ACSM6: variants seen among roughly 807,000 people sequenced by gnomAD.
The protein encoded by ACSM6 is acyl-CoA synthetase medium chain family member 6.
ACSM6 carries 35 observed loss-of-function variants against 51.1 expected under a neutral mutation model. That is an observed-to-expected ratio of 0.69 (90% CI 0.52 to 0.91). The LOEUF is 0.91. Among genes scored for constraint, ACSM6 ranks in the 40% least tolerant of loss-of-function variants. The probability of loss-of-function intolerance (pLI) is 0.00; values close to 1 mark genes in which losing one functional copy is unlikely to be tolerated. For missense variants in ACSM6, 509 were observed against 584.1 expected, an observed-to-expected ratio of 0.87 and a Z score of 1.32; for synonymous variants, 172 against 207.3, an observed-to-expected ratio of 0.83 and a Z score of 1.46.
Position 95,202,938 on chromosome 10 carries a change from C to CAA in ACSM6, c.403+761_403+762dup, listed in dbSNP as rs35376103. ...TGGGTGACAGAGCAAGGCTCTGTCT[C>CAA]AAAAAAAAAAAAAAAAAAAGACAGA... On this transcript the variant is annotated intron_variant, in intron 3 of 10. Coordinates refer to ENST00000341686, the Ensembl canonical transcript of ACSM6. Among the ~76,000 whole-genome samples, 653 of 85,762 alleles carry CAA rather than the reference C, an allele frequency of 7.6e-3. 13 individuals are homozygous for CAA. The highest frequency in any genetic ancestry group is 0.021 in the African/African-American group (463 of 22,324). 56.3% of individuals were successfully genotyped at this position (85,762 alleles called of 152,430 possible). A position where few individuals can be genotyped will look rare whatever the true frequency, so the allele number is the denominator to read the frequency against.
chr10:95,211,467 G>A (rs563696688), intron 5 of ACSM6, among the ~76,000 whole-genome samples: 8 of 152,316 alleles, frequency 5.3e-5, no homozygotes, highest in South Asian at 2.1e-4. Flanking sequence ...GTCCCTTAGC[G>A]GAAATAGGTG....
chr10:95,194,751 T>A, intron 2 of ACSM6, 74 bp downstream of exon 2: 1 of 1,338,706 alleles, frequency 7.5e-7, no homozygotes, highest in Non-Finnish European at 1.0e-6. Context: ...ATCATGAGAT[T>A]CATATCCCAT....
chr10:95,219,949 C>T, exon 9 of ACSM6: 1 of 1,612,860 alleles, frequency 6.2e-7, no homozygotes, highest in Non-Finnish European at 8.5e-7. Flanking sequence ...CTGGGGAAGC[C>T]ATTGCCACCT....
At chr10:95,206,536 C>T (rs1479274190) in intron 3 of ACSM6, among the ~76,000 whole-genome samples, 2 of 152,160 alleles carry the variant, frequency 1.3e-5, no homozygotes, top group Admixed American at 1.3e-4. Flanking sequence ...ACCGGTAAAG[C>T]AGATCCTTTT....
At chr10:95,212,793 G>A in intron 6 of ACSM6, 65 bp from the exon 7 acceptor site, 2 of 1,309,376 alleles carry the variant, frequency 1.5e-6, no homozygotes, top group Admixed American at 1.7e-5. Context: ...CTGGACCCCT[G>A]CCACAGTCTC....
chr10:95,215,387 T>C (rs1232191224), intron 8 of ACSM6, among the ~76,000 whole-genome samples: 2 of 152,216 alleles, frequency 1.3e-5, no homozygotes, highest in African/African-American at 2.4e-5. Flanking sequence ...CATTTGAGGT[T>C]GGAGAGCATT....
chr10:95,201,405 G>A, intron 2 of ACSM6: 1 of 444,430 alleles, frequency 2.3e-6, no homozygotes, highest in Non-Finnish European at 4.5e-6. Context: ...AAAACAGGCA[G>A]TATTTGATTT....
exon 3 of ACSM6, chr10:95,202,019 A>G: frequency 6.4e-7 from 1 of 1,551,726 alleles, no homozygotes; most frequent in Non-Finnish European, 8.7e-7. Flanking sequence ...GCCCTCTGGA[A>G]GGTTAGTGCC....
chr10:95,215,099 G>GA, intron 8 of ACSM6, 124 bp downstream of exon 8: 1 of 1,195,280 alleles, frequency 8.4e-7, no homozygotes, highest in South Asian at 1.6e-5. Context: ...ACAGGAAGAG[G>GA]AAATGGCTTA....
chr10:95,221,217 C>T (rs539326013), intron 9 of ACSM6, among the ~76,000 whole-genome samples: 4 of 152,046 alleles, frequency 2.6e-5, no homozygotes, highest in African/African-American at 9.6e-5. Flanking sequence ...GAAATAAAAT[C>T]AGAAGTGAAA....
chr10:95,202,173 C>T, exon 3 of ACSM6: 1 of 1,552,174 alleles, frequency 6.4e-7, no homozygotes. Flanking sequence ...CCTACTGGAT[C>T]TGCCTGGCCT....
In ACSM6 at chr10:95,212,729, G is replaced by C. The variant is rs376530375; in HGVS notation, c.913-129G>C. Reference sequence around the variant, plus strand: ...AATCACTAAGTCTTTGAGATAAAAGGCATCCCCAAGCTGAGTTTCAAAGTC... The same window carrying C: ...AATCACTAAGTCTTTGAGATAAAAGCCATCCCCAAGCTGAGTTTCAAAGTC... On this transcript the variant is annotated intron_variant, in intron 6 of 10. Transcript: ENST00000341686. 8.9e-6 allele frequency: 6 copies of C among 677,914 alleles called. No homozygotes were observed. In the South Asian group the frequency reaches 1.0e-4, roughly 12 times the overall value. The allele number at this position is 677,914 out of a possible 1,614,324, so 42.0% of individuals were successfully genotyped here.
intron 2 of ACSM6, among the ~76,000 whole-genome samples, chr10:95,197,343 G>A (rs1041553600): frequency 5.3e-5 from 8 of 152,034 alleles, no homozygotes; most frequent in Non-Finnish European, 7.4e-5. Context: ...GACCTGCACC[G>A]GCACCGGTCT....
At chr10:95,221,508 C>G (rs1295845294) in intron 9 of ACSM6, among the ~76,000 whole-genome samples, 1 of 152,110 alleles carries the variant, frequency 6.6e-6, no homozygotes, top group Non-Finnish European at 1.5e-5. Flanking sequence ...ATCCCTTGAA[C>G]TCAGCAGGCG....
intron 2 of ACSM6, among the ~76,000 whole-genome samples, chr10:95,200,620 G>T (rs565062218): frequency 6.6e-6 from 1 of 151,366 alleles, no homozygotes; most frequent in East Asian, 1.9e-4. Context: ...AGAAGGAGAA[G>T]AAGAAGAAGA....
chr10:95,220,022 C>T, intron 9 of ACSM6, 51 bp downstream of exon 9: 1 of 1,409,316 alleles, frequency 7.1e-7, no homozygotes, highest in Non-Finnish European at 1.0e-6. Flanking sequence ...TGAGCTCTTA[C>T]AGTTGTTTAT....
chr10:95,202,107 C>T (rs781280614), exon 3 of ACSM6: 1 of 1,552,268 alleles, frequency 6.4e-7, no homozygotes, highest in South Asian at 1.2e-5. Context: ...TCTCAGACAC[C>T]TGTGCCCTTA....
At position 95,219,853 on chromosome 10, in the gene ACSM6, T is replaced by C. The variant is rs778776696; in HGVS notation, c.1120-38T>C. 3 of 1,533,174 alleles carry C rather than the reference T, an allele frequency of 2.0e-6. No homozygotes were observed. In the Admixed American group the frequency reaches 5.1e-5, roughly 26 times the overall value. 95.0% of individuals were successfully genotyped at this position (1,533,174 alleles called of 1,614,324 possible). ...ATAACTAGATCCATTAATTTATTGC[T>C]TTTTTAAAGAAAAACTTGTCTGCAT... On this transcript the variant is annotated intron_variant, in intron 8 of 10. Transcript: ENST00000341686.
At chr10:95,197,167 T>C (rs893054870) in intron 2 of ACSM6, among the ~76,000 whole-genome samples, 5 of 152,216 alleles carry the variant, frequency 3.3e-5, no homozygotes, top group Non-Finnish European at 7.3e-5. Context: ...TCATTTGTAC[T>C]AGTCTGTTCA....
Sources: gnomAD v4.1 joint callset for allele counts (sites outside exome capture counted in the v4.1 genomes callset) on GRCh38, gnomAD v4.1.1 for gene constraint, MANE v1.5 for transcripts, NCBI Gene and HGNC (gene_info 2026-07-23, HGNC 2026-07-21) for gene names.